Variants in CD247 observed in about 807,000 individuals in gnomAD.
The protein encoded by CD247 is T-cell surface glycoprotein CD3 zeta chain.
CD247 carries 13 observed loss-of-function variants against 30.0 expected under a neutral mutation model. That is an observed-to-expected ratio of 0.43 (90% CI 0.28 to 0.69). CD247 has a LOEUF of 0.69. Among genes scored for constraint, CD247 ranks in the 30% least tolerant of loss-of-function variants. The probability of loss-of-function intolerance (pLI) is 0.16; values close to 1 mark genes in which losing one functional copy is unlikely to be tolerated. For missense variants in CD247, 193 were observed against 212.6 expected (o/e 0.91, Z 0.57); for synonymous variants, 72 against 80.0 (o/e 0.90, Z 0.53).
chr1:167,518,038 A>G (rs1773552), intron 1 of CD247, among the ~76,000 whole-genome samples: 18,431 of 152,128 alleles, frequency 0.12, 2,565 homozygotes, highest in African/African-American at 0.34. Flanking sequence ...AGCACGAAAC[A>G]TGGCCTGGCT....
At chr1:167,501,206 CCA>C (rs1251162232) in intron 1 of CD247, among the ~76,000 whole-genome samples, 1 of 152,056 alleles carries the variant, frequency 6.6e-6, no homozygotes, top group Non-Finnish European at 1.5e-5. Flanking sequence ...AGGCATGCCA[CCA>C]CACCTGGCTA....
chr1:167,469,990 G>A (rs1044489378), intron 1 of CD247, among the ~76,000 whole-genome samples: 1 of 151,760 alleles, frequency 6.6e-6, no homozygotes, highest in East Asian at 1.9e-4. Context: ...CTCGGCACAC[G>A]GCAACCTCCG....
intron 1 of CD247, among the ~76,000 whole-genome samples, chr1:167,491,567 CAA>C (rs34384774): frequency 7.0e-6 from 1 of 143,392 alleles, no homozygotes. Context: ...AACTCCATCT[CAA>C]AAAAAAAAAA....
intron 1 of CD247, among the ~76,000 whole-genome samples, chr1:167,501,949 C>A (rs1207491737): frequency 1.3e-5 from 2 of 152,250 alleles, no homozygotes; most frequent in East Asian, 3.8e-4. Flanking sequence ...CATTTCAAGA[C>A]TACAAAATGT....
chr1:167,433,684 T>C (rs1651391389), intron 6 of CD247, among the ~76,000 whole-genome samples: 1 of 152,118 alleles, frequency 6.6e-6, no homozygotes, highest in African/African-American at 2.4e-5. Context: ...ATGAATTGTT[T>C]TCATGTTGTC....
chr1:167,483,522 A>G (rs10918698), intron 1 of CD247, among the ~76,000 whole-genome samples: 27,108 of 152,124 alleles, frequency 0.18, 2,672 homozygotes, highest in Admixed American at 0.29. Flanking sequence ...ATCATCTCCT[A>G]TGTTCCTAAC....
intron 1 of CD247, among the ~76,000 whole-genome samples, chr1:167,461,805 G>A (rs1034230368): frequency 5.3e-5 from 8 of 151,566 alleles, no homozygotes; most frequent in African/African-American, 1.9e-4. Context: ...CCGAGATCAC[G>A]CCACTGCACT....
At chr1:167,509,927 C>T (rs967508682) in intron 1 of CD247, among the ~76,000 whole-genome samples, 9 of 152,116 alleles carry the variant, frequency 5.9e-5, no homozygotes, top group African/African-American at 1.7e-4. Context: ...AGACCTCTGA[C>T]GGGAGTCAGG....
intron 1 of CD247, among the ~76,000 whole-genome samples, chr1:167,462,902 A>G (rs1653086096): frequency 6.6e-6 from 1 of 151,482 alleles, no homozygotes; most frequent in South Asian, 2.1e-4. Flanking sequence ...ATTCCCTCCC[A>G]CCAGCCTTAT....
chr1:167,458,981 A>T (rs562009952), intron 1 of CD247, among the ~76,000 whole-genome samples: 1 of 151,610 alleles, frequency 6.6e-6, no homozygotes, highest in East Asian at 2.0e-4. Context: ...AAAAAAAAAA[A>T]TCTGTTAGCT....
At chr1:167,510,637 G>T (rs1655347932) in intron 1 of CD247, among the ~76,000 whole-genome samples, 1 of 152,178 alleles carries the variant, frequency 6.6e-6, no homozygotes, top group African/African-American at 2.4e-5. Context: ...TGATGAAAGG[G>T]CAGGTCTAAC....
chr1:167,494,769 G>A lies in CD247; in HGVS notation c.58+23639C>T, dbSNP rs1332179736. Among the ~76,000 whole-genome samples the A allele has an allele frequency of 6.6e-6, 1 of 152,112 alleles. No individual in the cohort carries two copies. The highest frequency in any genetic ancestry group is 1.9e-4 in the East Asian group (1 of 5,198). On this transcript the variant is annotated intron_variant, in intron 1 of 7. Transcript: ENST00000362089. The surrounding 1 kb of genome is among the most constrained non-coding windows in gnomAD (Gnocchi z 7.3). The stretch of plus-strand genomic sequence containing the variant: ...ATAAATGTTTATTAAAGAATGTGAA[G>A]GTCTCATCAAAAACCAAGCATGAGA...
At chr1:167,459,770 G>T (rs1447601225) in intron 1 of CD247, 1 of 152,176 alleles carries the variant, frequency 6.6e-6, no homozygotes. Flanking sequence ...TGTGGCTAAA[G>T]TTCTGTTTTA....
chr1:167,481,594 A>C (rs1291226919), intron 1 of CD247, among the ~76,000 whole-genome samples: 2 of 152,172 alleles, frequency 1.3e-5, no homozygotes, highest in African/African-American at 4.8e-5. Flanking sequence ...GAAATGTCTT[A>C]CTTCTTTTCT....
At chr1:167,514,048 A>G (rs1655498675) in intron 1 of CD247, among the ~76,000 whole-genome samples, 1 of 152,184 alleles carries the variant, frequency 6.6e-6, no homozygotes, top group Non-Finnish European at 1.5e-5. Flanking sequence ...CACCAAATAA[A>G]CCATTAAAGT....
chr1:167,433,475 A>G (rs1651372809), intron 6 of CD247, among the ~76,000 whole-genome samples: 1 of 152,236 alleles, frequency 6.6e-6, no homozygotes, highest in African/African-American at 2.4e-5. Context: ...GTGCCCGTTT[A>G]CCAGCTAGAA....
chr1:167,493,967 T>C (rs1447956097), intron 1 of CD247, among the ~76,000 whole-genome samples: 1 of 152,184 alleles, frequency 6.6e-6, no homozygotes, highest in Non-Finnish European at 1.5e-5. Context: ...CTCTCACCAT[T>C]GCAGAATCTG....
At chr1:167,458,306 A>G (rs1652807933) in intron 1 of CD247, among the ~76,000 whole-genome samples, 1 of 152,236 alleles carries the variant, frequency 6.6e-6, no homozygotes. Context: ...GTGGGCAGGA[A>G]TGAGTGGGAT....
chr1:167,475,643 C>A (rs1039932157), intron 1 of CD247, among the ~76,000 whole-genome samples: 2 of 152,116 alleles, frequency 1.3e-5, no homozygotes, highest in Admixed American at 6.5e-5. Context: ...CTACATTAAA[C>A]CTGAATCCCA....
Sources: gnomAD v4.1 joint callset for allele counts (sites outside exome capture counted in the v4.1 genomes callset) on GRCh38, gnomAD v4.1.1 for gene constraint, Gnocchi (gnomAD v3.1) non-coding constraint, MANE v1.5 for transcripts, NCBI Gene and HGNC (gene_info 2026-07-23, HGNC 2026-07-21) for gene names.